The following NCAM2 variants were observed in gnomAD, a reference collection of about 807,000 sequenced individuals.
NCAM2 encodes the protein neural cell adhesion molecule 2.
Under a neutral mutation model 98.1 loss-of-function variants are expected in NCAM2, and 30 were observed. That is an observed-to-expected ratio of 0.31 (90% CI 0.23 to 0.41). The LOEUF is 0.41. Ranked by LOEUF, NCAM2 falls within the 10% of genes least tolerant of loss-of-function variation. The pLI, the probability that NCAM2 is intolerant of heterozygous loss-of-function variation, is 1.00. For synonymous variants in NCAM2, 368 were observed against 342.4 expected (o/e 1.07, Z -0.83); for missense variants, 867 against 1,005.8 (o/e 0.86, Z 1.87).
chr21:21,258,450 G>A (rs75214319), intron 1 of NCAM2, among the ~76,000 whole-genome samples: 1,858 of 152,248 alleles, frequency 0.012, 33 homozygotes, highest in African/African-American at 0.043. Context: ...AGAGAGTCTG[G>A]TAGAGATTGA....
At chr21:21,068,458 A>ATTT (rs566218063) in intron 1 of NCAM2, among the ~76,000 whole-genome samples, 1,541 of 112,460 alleles carry the variant, frequency 0.014, 48 homozygotes, top group African/African-American at 0.049. Flanking sequence ...ATGGTATTGC[A>ATTT]TTTTTTTTTT....
At chr21:21,014,512 C>G (rs1400736830) in intron 1 of NCAM2, among the ~76,000 whole-genome samples, 1 of 151,832 alleles carries the variant, frequency 6.6e-6, no homozygotes, top group South Asian at 2.1e-4. Context: ...CATCTGTTTA[C>G]AACATGATTT....
intron 1 of NCAM2, among the ~76,000 whole-genome samples, chr21:21,268,438 C>T (rs1490817329): frequency 6.6e-6 from 1 of 152,202 alleles, no homozygotes; most frequent in East Asian, 1.9e-4. Context: ...TCTTTGCTTC[C>T]TTGCAGTGTT....
At chr21:21,200,622 A>AT (rs906903481) in intron 1 of NCAM2, among the ~76,000 whole-genome samples, 1,731 of 149,326 alleles carry the variant, frequency 0.012, 28 homozygotes, top group African/African-American at 0.038. Flanking sequence ...GACTATAAAC[A>AT]TTTTTTTTTT....
intron 1 of NCAM2, among the ~76,000 whole-genome samples, chr21:21,061,598 A>C (rs567183999): frequency 9.2e-5 from 14 of 151,854 alleles, no homozygotes; most frequent in Admixed American, 2.6e-4. Context: ...ATTATGTTGG[A>C]ATCATACAGC....
At chr21:21,257,549 C>T (rs897785082) in intron 1 of NCAM2, among the ~76,000 whole-genome samples, 1 of 152,144 alleles carries the variant, frequency 6.6e-6, no homozygotes, top group Admixed American at 6.6e-5. Flanking sequence ...AATGTGGAAA[C>T]TATCATGTAC....
intron 12 of NCAM2, among the ~76,000 whole-genome samples, chr21:21,460,564 T>C (rs907291253): frequency 6.6e-6 from 1 of 151,986 alleles, no homozygotes; most frequent in Non-Finnish European, 1.5e-5. Flanking sequence ...ACTATAGATT[T>C]AACAAGTGCT....
In NCAM2 at chr21:21,477,362, C is replaced by T. The variant is rs769659319; in HGVS notation, c.1968C>T (p.Leu656=). 6.2e-7 allele frequency: 1 copy of T among 1,611,594 alleles called. No homozygotes were observed. Among genetic ancestry groups the T allele is most frequent in the Non-Finnish European group, 8.5e-7 (1 of 1,178,400 alleles). The change falls in exon 15 of 18, where the codon CTC becomes CTT. Residue 656 remains leucine, a synonymous_variant. Transcript: ENST00000400546. ...AAGACCACATCATTTTGGAGCATCT[C>T]CAGTGGACCATGGGGTATGAAGTTC... ...GNKDHIILEH[L]QWTMGYEVQI...
chr21:21,089,170 T>C (rs1341996137), intron 1 of NCAM2, among the ~76,000 whole-genome samples: 4 of 152,162 alleles, frequency 2.6e-5, no homozygotes, highest in Non-Finnish European at 4.4e-5. Context: ...AGTTATACTT[T>C]GTAAGAAAAT....
chr21:21,197,447 G>A (rs2069045563), intron 1 of NCAM2, among the ~76,000 whole-genome samples: 1 of 152,066 alleles, frequency 6.6e-6, no homozygotes. Flanking sequence ...TCTTTAGAAA[G>A]TACCCAGTCT....
intron 9 of NCAM2, among the ~76,000 whole-genome samples, chr21:21,404,441 T>C (rs2076695608): frequency 6.6e-6 from 1 of 152,138 alleles, no homozygotes; most frequent in Non-Finnish European, 1.5e-5. Context: ...TGCTTGGCTC[T>C]CATTCTGTCT....
intron 15 of NCAM2, among the ~76,000 whole-genome samples, chr21:21,495,892 AT>A (rs1229742333): frequency 2.0e-5 from 3 of 150,576 alleles, no homozygotes; most frequent in Non-Finnish European, 3.0e-5. Flanking sequence ...ACCTCACATT[AT>A]TTTTTTTGCC....
intron 14 of NCAM2, among the ~76,000 whole-genome samples, chr21:21,476,337 T>A (rs1029254532): frequency 2.6e-5 from 4 of 152,072 alleles, no homozygotes; most frequent in African/African-American, 9.7e-5. Flanking sequence ...ATCGCTGTTA[T>A]TTTTTTAAGT....
intron 1 of NCAM2, among the ~76,000 whole-genome samples, chr21:21,245,582 C>A (rs563695588): frequency 1.3e-5 from 2 of 152,288 alleles, no homozygotes; most frequent in African/African-American, 4.8e-5. Context: ...GTCAAGGTAT[C>A]TCCTTCTTTG....
intron 1 of NCAM2, among the ~76,000 whole-genome samples, chr21:21,230,758 C>T (rs1241561500): frequency 6.6e-6 from 1 of 151,308 alleles, no homozygotes; most frequent in Admixed American, 6.6e-5. Context: ...ACCACACTTT[C>T]ATGAGTATTC....
chr21:21,026,855 CT>C (rs752588922), intron 1 of NCAM2, among the ~76,000 whole-genome samples: 1,630 of 126,744 alleles, frequency 0.013, 4 homozygotes, highest in Non-Finnish European at 0.014. Context: ...TCTTCTTCTT[CT>C]TTTTTTTTTT....
chr21:21,016,077 C>T (rs1217046611), intron 1 of NCAM2, among the ~76,000 whole-genome samples: 1 of 152,094 alleles, frequency 6.6e-6, no homozygotes, highest in African/African-American at 2.4e-5. Flanking sequence ...AGCCAACTTC[C>T]CTCAATACTC....
At position 21,495,127 on chromosome 21, in the gene NCAM2, TG is replaced by T. The variant is rs199656234; in HGVS notation, c.2078-13718del. On this transcript the variant is annotated intron_variant, in intron 15 of 17. Transcript: ENST00000400546. ...GATATTTTAAAAAGCAGGGCGGCCA[TG>T]GGGGGCTACTTAAAATTCCATTCCA... 7.8e-3 allele frequency among the ~76,000 whole-genome samples: 1,181 copies of T among 151,070 alleles called. 25 individuals are homozygous for T. The highest frequency in any genetic ancestry group is 0.027 in the African/African-American group (1,118 of 41,192).
At chr21:21,024,890 GAAAA>G (rs756802397) in intron 1 of NCAM2, among the ~76,000 whole-genome samples, 1 of 125,384 alleles carries the variant, frequency 8.0e-6, no homozygotes, top group African/African-American at 2.9e-5. Context: ...CCGTCTCAAA[GAAAA>G]AAAAAAAAAA....
Sources: gnomAD v4.1 joint callset for allele counts (sites outside exome capture counted in the v4.1 genomes callset) on GRCh38, gnomAD v4.1.1 for gene constraint, MANE v1.5 for transcripts, NCBI Gene and HGNC (gene_info 2026-07-23, HGNC 2026-07-21) for gene names.